Variants in DMD observed in about 807,000 individuals in gnomAD.
The protein encoded by DMD is mutant dystrophin.
DMD carries 63 observed loss-of-function variants against 330.1 expected under a neutral mutation model. That is an observed-to-expected ratio of 0.19 (90% confidence interval 0.16 to 0.24). The LOEUF (loss-of-function observed/expected upper bound fraction) is 0.24, where lower values mean the gene tolerates loss of function less well. Among genes scored for constraint, DMD ranks in the 10% least tolerant of loss-of-function variants. The probability of loss-of-function intolerance (pLI) is 1.00; values close to 1 mark genes in which losing one functional copy is unlikely to be tolerated. For missense variants in DMD, 3,344 were observed against 2,684.1 expected (o/e 1.25, Z -5.43); for synonymous variants, 1,223 against 959.8 (o/e 1.27, Z -5.07).
intron 30 of DMD, among the ~76,000 whole-genome samples, chrX:32,401,659 A>T (rs750589823): frequency 1.8e-5 from 2 of 111,949 alleles, no homozygotes; most frequent in East Asian, 5.7e-4. Flanking sequence ...CTAGAACAGG[A>T]TGACCATAAT....
chrX:32,201,343 A>G (rs1252721983), intron 44 of DMD, among the ~76,000 whole-genome samples: 1 of 111,025 alleles, frequency 9.0e-6, no homozygotes, highest in Non-Finnish European at 1.9e-5. Flanking sequence ...TGGGTCACTG[A>G]AACTGGGGAA....
At chrX:32,686,142 A>C (rs2062842833) in intron 9 of DMD, among the ~76,000 whole-genome samples, 1 of 111,912 alleles carries the variant, frequency 8.9e-6, no homozygotes, top group Non-Finnish European at 1.9e-5. Context: ...AAGCATTATT[A>C]CATTTTTTCA....
At chrX:32,519,193 A>T (rs1194952287) in intron 17 of DMD, among the ~76,000 whole-genome samples, 3 of 103,792 alleles carry the variant, frequency 2.9e-5, no homozygotes, top group African/African-American at 1.1e-4. Context: ...ACCCGGAGGA[A>T]ATTATGTTAA....
intron 61 of DMD, among the ~76,000 whole-genome samples, chrX:31,335,394 C>A (rs974466932): frequency 8.9e-6 from 1 of 112,359 alleles, no homozygotes; most frequent in Non-Finnish European, 1.9e-5. Context: ...ATCTAATATG[C>A]AAGATGTTGT....
chrX:33,022,381 G>T (rs1847102566), intron 1 of DMD, among the ~76,000 whole-genome samples: 2 of 110,986 alleles, frequency 1.8e-5, no homozygotes, highest in Non-Finnish European at 1.9e-5. Flanking sequence ...TATGTGCAAA[G>T]TGTTACTTAT....
rs10521974 is a variant in DMD at position 31,587,119 on chromosome X, G to A, written c.8217+40554C>T. 3.6e-3 allele frequency among the ~76,000 whole-genome samples: 398 copies of A among 111,563 alleles called. 4 individuals carry two copies. The highest frequency in any genetic ancestry group is 0.012 in the African/African-American group (373 of 30,764). On this transcript the variant is annotated intron_variant, in intron 55 of 78. Transcript: ENST00000357033. ...AAAGACACAGAATAGTAACAACAAC[G>A]TAGGAATAATTGTATAGGCTCCTAA...
chrX:32,400,552 C>T lies in DMD; in HGVS notation c.4234-10371G>A, dbSNP rs754303492. Among the ~76,000 whole-genome samples, 4 of 111,096 alleles carry T rather than the reference C, an allele frequency of 3.6e-5. No individual in the cohort carries two copies. The South Asian group carries it at 1.5e-3, about 42-fold the overall frequency. Reference sequence around the variant, plus strand: ...GGAATGGTATCAGTTCCTCCTTGTACCTCTGCAGCCAAAAAACACATGAAA... The same window carrying T: ...GGAATGGTATCAGTTCCTCCTTGTATCTCTGCAGCCAAAAAACACATGAAA... On this transcript the variant is annotated intron_variant, in intron 30 of 78. Transcript: ENST00000357033.
At chrX:32,150,106 C>A (rs1326726241) in intron 44 of DMD, among the ~76,000 whole-genome samples, 1 of 112,110 alleles carries the variant, frequency 8.9e-6, no homozygotes, top group Non-Finnish European at 1.9e-5. Context: ...GATTAGGGAG[C>A]TAGTTGTTGG....
intron 55 of DMD, among the ~76,000 whole-genome samples, chrX:31,579,897 CCTT>C (rs1321795465): frequency 8.9e-6 from 1 of 111,980 alleles, no homozygotes; most frequent in Non-Finnish European, 1.9e-5. Context: ...GGGCTATACT[CCTT>C]CTGAAGAAGC....
Position 31,542,033 on chromosome X carries a change from A to T in DMD, c.8218-34580T>A, listed in dbSNP as rs983800510. On this transcript the variant is annotated intron_variant, in intron 55 of 78. Coordinates refer to ENST00000357033, the MANE Select transcript of DMD (RefSeq NM_004006.3). ...CGTGGCTACTAGAATACTTAAGATTACATAGGTGGCTCTCATTTCTATGGG... is the reference window on the plus strand; with the variant it reads ...CGTGGCTACTAGAATACTTAAGATTTCATAGGTGGCTCTCATTTCTATGGG... Among the ~76,000 whole-genome samples, 3 of 112,241 alleles carry T rather than the reference A, an allele frequency of 2.7e-5. No homozygotes were observed. In the Admixed American group the frequency reaches 2.8e-4, roughly 11 times the overall value.
chrX:32,142,429 C>A (rs1427308703), intron 44 of DMD, among the ~76,000 whole-genome samples: 1 of 111,999 alleles, frequency 8.9e-6, no homozygotes, highest in Non-Finnish European at 1.9e-5. Context: ...TTGCTGAGTC[C>A]CCTTGGGGAT....
At chrX:32,905,815 A>G (rs2149317953) in intron 2 of DMD, among the ~76,000 whole-genome samples, 1 of 111,494 alleles carries the variant, frequency 9.0e-6, no homozygotes, top group Admixed American at 9.5e-5. Flanking sequence ...GTTTAGCAAC[A>G]TCCCTGGTCT....
At chrX:32,687,784 T>A (rs1455800347) in intron 9 of DMD, among the ~76,000 whole-genome samples, 2 of 110,458 alleles carry the variant, frequency 1.8e-5, no homozygotes, top group Admixed American at 1.9e-4. Context: ...AGCTCCCAAG[T>A]TTTGAGTTGA....
At chrX:31,923,160 T>C (rs775262004) in intron 47 of DMD, among the ~76,000 whole-genome samples, 1 of 111,958 alleles carries the variant, frequency 8.9e-6, no homozygotes, top group South Asian at 3.7e-4. Flanking sequence ...CAAATTGAGA[T>C]GTACTCATGA....
intron 45 of DMD, among the ~76,000 whole-genome samples, 188 bp from the exon 46 acceptor site, chrX:31,932,415 T>C (rs1401283523): frequency 3.6e-5 from 4 of 112,173 alleles, no homozygotes; most frequent in Non-Finnish European, 7.5e-5. Flanking sequence ...AATCTCTAAA[T>C]GATAAGAGAT....
At chrX:32,220,141 C>T (rs964794688) in intron 43 of DMD, among the ~76,000 whole-genome samples, 3 of 111,006 alleles carry the variant, frequency 2.7e-5, no homozygotes, top group African/African-American at 9.8e-5. Context: ...GACTTTCTGC[C>T]CGACCCCTGC....
intron 74 of DMD, among the ~76,000 whole-genome samples, chrX:31,157,008 A>G (rs1194490813): frequency 8.0e-5 from 9 of 112,133 alleles, no homozygotes; most frequent in African/African-American, 2.3e-4. Flanking sequence ...TCTGGGCAAA[A>G]TGAAATCACT....
At chrX:31,519,596 T>C (rs111661910) in intron 55 of DMD, among the ~76,000 whole-genome samples, 55 of 111,804 alleles carry the variant, frequency 4.9e-4, no homozygotes, top group African/African-American at 1.8e-3. Flanking sequence ...TGTAATTGTT[T>C]ACAATAGGTT....
chrX:32,672,587 A>G lies in DMD; in HGVS notation c.960+25283T>C, dbSNP rs190838279. ...TTGCTTTAAATAAATCCTTTTTGCCAGGGACATAGAACAAAAATCCAACTA... is the reference window on the plus strand; with the variant it reads ...TTGCTTTAAATAAATCCTTTTTGCCGGGGACATAGAACAAAAATCCAACTA... On this transcript the variant is annotated intron_variant, in intron 9 of 78. Transcript: ENST00000357033. 3.6e-3 allele frequency among the ~76,000 whole-genome samples: 404 copies of G among 110,807 alleles called. 6 individuals carry two copies. The highest frequency in any genetic ancestry group is 0.03 in the Admixed American group (314 of 10,302).
Sources: allele counts gnomAD v4.1 joint callset (sites outside exome capture counted in the v4.1 genomes callset), GRCh38; gene constraint gnomAD v4.1.1; transcripts MANE v1.5; gene names NCBI Gene and HGNC (gene_info 2026-07-23, HGNC 2026-07-21).